The following TRPM6 variants were observed in gnomAD, a reference collection of about 807,000 sequenced individuals.
The protein encoded by TRPM6 is channel kinase 2.
TRPM6 carries 111 observed loss-of-function variants against 247.6 expected under a neutral mutation model. The ratio of observed to expected loss-of-function variants is 0.45; its 90% CI spans 0.38 to 0.52. TRPM6 has a LOEUF of 0.52. Ranked by LOEUF, TRPM6 falls within the 20% of genes least tolerant of loss-of-function variation. The probability of loss-of-function intolerance (pLI) is 0.00; values close to 1 mark genes in which losing one functional copy is unlikely to be tolerated. For missense variants in TRPM6, 2,126 were observed against 2,421.5 expected (o/e 0.88, Z 2.56); for synonymous variants, 892 against 853.8 (o/e 1.04, Z -0.78).
At chr9:74,885,838 C>T (rs1831513384) in intron 1 of TRPM6, among the ~76,000 whole-genome samples, 1 of 151,892 alleles carries the variant, frequency 6.6e-6, no homozygotes, top group African/African-American at 2.4e-5. Context: ...CTTTGGGAGG[C>T]CAAAGAGGAT....
At chr9:74,872,714 C>T (rs1831066027) in intron 1 of TRPM6, among the ~76,000 whole-genome samples, 1 of 151,926 alleles carries the variant, frequency 6.6e-6, no homozygotes, top group African/African-American at 2.4e-5. Flanking sequence ...AAGTGATCTG[C>T]CAGCCTCAGC....
chr9:74,868,214 G>A (rs748439612), intron 1 of TRPM6, among the ~76,000 whole-genome samples: 9 of 150,282 alleles, frequency 6.0e-5, no homozygotes, highest in Admixed American at 2.0e-4. Context: ...AAAGTGTCCC[G>A]CCGGGTGTGG....
chr9:74,740,137 G>T, intron 33 of TRPM6, 128 bp from the exon 34 acceptor site: 1 of 1,008,620 alleles, frequency 9.9e-7, no homozygotes, highest in Non-Finnish European at 1.5e-6. Context: ...GACTAGCAGG[G>T]AACAGAACAG....
chr9:74,764,699 T>C (rs1826767438), intron 25 of TRPM6, among the ~76,000 whole-genome samples: 2 of 152,186 alleles, frequency 1.3e-5, no homozygotes, highest in African/African-American at 4.8e-5. Flanking sequence ...AATTACAACA[T>C]GTATGAGTTG....
intron 1 of TRPM6, among the ~76,000 whole-genome samples, chr9:74,875,448 C>T (rs1234461032): frequency 6.6e-6 from 1 of 152,106 alleles, no homozygotes; most frequent in East Asian, 1.9e-4. Flanking sequence ...GAGGCTGAGG[C>T]AGGAGAATTG....
Position 74,776,144 on chromosome 9 carries a change from T to C in TRPM6, c.3210-68A>G, listed in dbSNP as rs2274923. 143,877 of 1,383,200 alleles carry C rather than the reference T, an allele frequency of 0.1. 8,454 individuals are homozygous for C. The highest frequency in any genetic ancestry group is 0.23 in the South Asian group (19,774 of 85,460). 85.7% of individuals were successfully genotyped at this position (1,383,200 alleles called of 1,614,324 possible). A position where few individuals can be genotyped will look rare whatever the true frequency, so the allele number is the denominator to read the frequency against. ...TCTTGAAAGGTAACAGAGTCTATATTTTCCAACATTTATGATTGGCTCACC... is the reference window on the plus strand; with the variant it reads ...TCTTGAAAGGTAACAGAGTCTATATCTTCCAACATTTATGATTGGCTCACC... On this transcript the variant is annotated intron_variant, in intron 23 of 38. Transcript: ENST00000360774.
intron 18 of TRPM6, among the ~76,000 whole-genome samples, chr9:74,793,131 G>A (rs1243029847): frequency 3.3e-5 from 5 of 152,142 alleles, no homozygotes; most frequent in Non-Finnish European, 7.3e-5. Flanking sequence ...ACTCCAGCCT[G>A]GGTGACAGAG....
chr9:74,802,013 C>G lies in TRPM6; in HGVS notation c.1894G>C (p.Glu632Gln), dbSNP rs1402114552. Residue 632 changes from glutamate to glutamine, a missense_variant, in exon 16 of 39, where the codon GAG becomes CAG. Glu to Gln is a conservative substitution (Grantham distance 29). Coordinates refer to ENST00000360774, the MANE Select transcript of TRPM6 (RefSeq NM_017662.5). Reference protein sequence around the residue: ...KMAMFFWQHGEEATVKAVIAC... With the variant: ...KMAMFFWQHGQEATVKAVIAC... ...ATCACGGCTTTAACCGTGGCCTCCT[C>G]TCCATGCTGCCAGAAGAACATAGCC... is the stretch of plus-strand genomic sequence containing the variant. 6.2e-7 allele frequency: 1 copy of G among 1,614,100 alleles called. No individual in the cohort carries two copies. Among genetic ancestry groups the G allele is most frequent in the Non-Finnish European group, 8.5e-7 (1 of 1,180,040 alleles).
At chr9:74,800,088 AAGGGT>A (rs1392670287) in intron 17 of TRPM6, 161 bp downstream of exon 17, 1 of 675,880 alleles carries the variant, frequency 1.5e-6, no homozygotes, top group Non-Finnish European at 2.6e-6. Context: ...ATCTTCTGTC[AAGGGT>A]ATACGAGTAG....
chr9:74,742,634 C>T lies in TRPM6; in HGVS notation c.5135-8G>A. Reference sequence around the variant, plus strand: ...AATTATTCCTTTCAATGGCTGCAAACAAAAACAGATTTTCTATTTTAAGTA... The same window carrying T: ...AATTATTCCTTTCAATGGCTGCAAATAAAAACAGATTTTCTATTTTAAGTA... On this transcript the variant is annotated splice_polypyrimidine_tract_variant and splice_region_variant and intron_variant, in intron 32 of 38. Transcript: ENST00000360774. The T allele has an allele frequency of 6.2e-7, 1 of 1,613,350 alleles. No homozygotes were observed. Among genetic ancestry groups the T allele is most frequent in the South Asian group, 1.1e-5 (1 of 91,068 alleles).
At chr9:74,824,200 G>C (rs1033558054) in intron 7 of TRPM6, among the ~76,000 whole-genome samples, 22 of 151,284 alleles carry the variant, frequency 1.5e-4, no homozygotes, top group African/African-American at 4.9e-4. Context: ...GCCCAGGCTG[G>C]AGTGCAGTGG....
chr9:74,855,602 G>T lies in TRPM6; in HGVS notation c.114-37C>A, dbSNP rs778725895. On this transcript the variant is annotated intron_variant, in intron 2 of 38. Coordinates refer to ENST00000360774, the MANE Select transcript of TRPM6 (RefSeq NM_017662.5). The stretch of plus-strand genomic sequence containing the variant: ...AAATAAAACCTCTGTTAGTTTGTTG[G>T]TGTATCTGAAAATACATTTAATGCT... 3.6e-6 allele frequency: 5 copies of T among 1,405,804 alleles called. No homozygotes were observed. The East Asian group carries it at 9.1e-5, about 26-fold the overall frequency. The allele number at this position is 1,405,804 out of a possible 1,614,324, so 87.1% of individuals were successfully genotyped here. A position where few individuals can be genotyped will look rare whatever the true frequency, so the allele number is the denominator to read the frequency against.
intron 25 of TRPM6, among the ~76,000 whole-genome samples, chr9:74,765,350 C>CA (rs56073840): frequency 0.062 from 6,560 of 106,266 alleles, 252 homozygotes; most frequent in African/African-American, 0.12. Flanking sequence ...GTGTTAAGAG[C>CA]AAAAAAAAAA....
intron 37 of TRPM6, among the ~76,000 whole-genome samples, chr9:74,729,880 C>T (rs573345348): frequency 4.6e-5 from 7 of 152,120 alleles, no homozygotes; most frequent in African/African-American, 1.7e-4. Context: ...CATAAAAACC[C>T]CCAACTTAGA....
intron 35 of TRPM6, among the ~76,000 whole-genome samples, 186 bp downstream of exon 35, chr9:74,739,181 C>T (rs937131070): frequency 1.3e-5 from 2 of 152,196 alleles, no homozygotes; most frequent in African/African-American, 4.8e-5. Context: ...CAGTGATTAA[C>T]ACCAAGGTAT....
intron 20 of TRPM6, among the ~76,000 whole-genome samples, chr9:74,786,378 TAGAA>T (rs1172487041): frequency 6.6e-6 from 1 of 152,178 alleles, no homozygotes; most frequent in African/African-American, 2.4e-5. Context: ...GTCAAAAAAA[TAGAA>T]AGCACTTTTT....
Position 74,724,295 on chromosome 9 carries a change from T to G in TRPM6, c.*318A>C, listed in dbSNP as rs1659804162. On this transcript the variant is annotated 3_prime_UTR_variant, in exon 39 of 39. Transcript: ENST00000360774. ...TCCCCCCCAACCCCATCCTTTAATG[T>G]GCAGGATTCTGCTCCAAAGTTCCAA... The G allele has an allele frequency of 2.4e-6, 1 of 421,024 alleles. No individual in the cohort carries two copies. The highest frequency in any genetic ancestry group is 3.6e-5 in the Admixed American group (1 of 28,024). 26.1% of individuals were successfully genotyped at this position (421,024 alleles called of 1,614,324 possible). A position where few individuals can be genotyped will look rare whatever the true frequency, so the allele number is the denominator to read the frequency against.
chr9:74,806,664 A>G (rs1308563059), intron 14 of TRPM6, among the ~76,000 whole-genome samples: 1 of 152,224 alleles, frequency 6.6e-6, no homozygotes, highest in Non-Finnish European at 1.5e-5. Context: ...TCCTTCTGAC[A>G]AATTTATAAA....
At chr9:74,852,158 T>A (rs1212766718) in intron 3 of TRPM6, among the ~76,000 whole-genome samples, 2 of 152,050 alleles carry the variant, frequency 1.3e-5, no homozygotes, top group South Asian at 4.2e-4. Flanking sequence ...TTTTTTTTTT[T>A]AATGATAGTA....
Sources: gnomAD v4.1 joint callset for allele counts (sites outside exome capture counted in the v4.1 genomes callset) on GRCh38, gnomAD v4.1.1 for gene constraint, MANE v1.5 for transcripts, NCBI Gene and HGNC (gene_info 2026-07-23, HGNC 2026-07-21) for gene names.